CADPS2: variants seen among roughly 807,000 people sequenced by gnomAD.
CADPS2 encodes calcium dependent secretion activator 2.
Under a neutral mutation model 172.5 loss-of-function variants are expected in CADPS2, and 93 were observed. That is an observed-to-expected ratio of 0.54 (90% CI 0.46 to 0.64). The LOEUF (loss-of-function observed/expected upper bound fraction) is 0.64. Ranked by LOEUF, CADPS2 falls within the 30% of genes least tolerant of loss-of-function variation. The pLI is 0.00. For missense variants in CADPS2, 1,420 were observed against 1,565.9 expected, an observed-to-expected ratio of 0.91 and a Z score of 1.57; for synonymous variants, 546 against 555.2, an observed-to-expected ratio of 0.98 and a Z score of 0.23.
At chr7:122,652,774 A>G (rs2079306228) in intron 3 of CADPS2, among the ~76,000 whole-genome samples, 1 of 152,198 alleles carries the variant, frequency 6.6e-6, no homozygotes, top group Non-Finnish European at 1.5e-5. Flanking sequence ...TATTAGCACA[A>G]TAGCTAATCT....
At chr7:122,617,396 GCTAAT>G (rs2133907585) in intron 5 of CADPS2, among the ~76,000 whole-genome samples, 1 of 152,252 alleles carries the variant, frequency 6.6e-6, no homozygotes, top group South Asian at 2.1e-4. Context: ...TGGACCATCA[GCTAAT>G]CTAATTTTAA....
rs976610453 is a variant in CADPS2 at position 122,700,200 on chromosome 7, T to C, written c.454-36631A>G. Among the ~76,000 whole-genome samples the C allele has an allele frequency of 1.9e-4, 29 of 152,184 alleles. 1 individual carries two copies. The highest frequency in any genetic ancestry group is 1.2e-4 in the Non-Finnish European group (8 of 68,028). Reference sequence around the variant, plus strand: ...AAACCGAGGCCAAAGATTCTGACCTTGAACATGAATGTCTCTGGTCTACAT... The same window carrying C: ...AAACCGAGGCCAAAGATTCTGACCTCGAACATGAATGTCTCTGGTCTACAT... On this transcript the variant is annotated intron_variant, in intron 2 of 29. Transcript: ENST00000449022.
At chr7:122,727,805 T>G (rs1260754037) in intron 2 of CADPS2, among the ~76,000 whole-genome samples, 2 of 151,860 alleles carry the variant, frequency 1.3e-5, no homozygotes, top group African/African-American at 4.8e-5. Context: ...TTGTGCAAAT[T>G]CTTACTCAAC....
At chr7:122,685,447 C>T (rs1203648769) in intron 2 of CADPS2, among the ~76,000 whole-genome samples, 1 of 152,222 alleles carries the variant, frequency 6.6e-6, no homozygotes, top group Non-Finnish European at 1.5e-5. Flanking sequence ...GCAGGTTAAA[C>T]GTTCCTGACA....
chr7:122,558,344 TTTAAA>T (rs1408831360), intron 7 of CADPS2, among the ~76,000 whole-genome samples: 1 of 152,196 alleles, frequency 6.6e-6, no homozygotes, highest in Non-Finnish European at 1.5e-5. Flanking sequence ...TAAATTCGCA[TTTAAA>T]TTAAACTATA....
At chr7:122,575,130 A>G (rs1166826835) in intron 7 of CADPS2, among the ~76,000 whole-genome samples, 1 of 151,876 alleles carries the variant, frequency 6.6e-6, no homozygotes, top group Non-Finnish European at 1.5e-5. Flanking sequence ...AATAAAGAAC[A>G]TTTTATAAGA....
chr7:122,689,042 G>A (rs1262502881), intron 2 of CADPS2, among the ~76,000 whole-genome samples: 6 of 152,042 alleles, frequency 3.9e-5, no homozygotes, highest in Non-Finnish European at 8.8e-5. Context: ...AGTGAGGACC[G>A]GTGCACATAG....
chr7:122,505,081 C>A (rs1033111081), intron 9 of CADPS2, among the ~76,000 whole-genome samples: 8 of 152,066 alleles, frequency 5.3e-5, no homozygotes, highest in African/African-American at 1.9e-4. Flanking sequence ...TTCTTAAAAA[C>A]CAAATGTTGA....
intron 2 of CADPS2, chr7:122,701,872 C>A: frequency 6.2e-7 from 1 of 1,612,906 alleles, no homozygotes; most frequent in Non-Finnish European, 8.5e-7. Context: ...TGGGACATGT[C>A]CTATGGGCTA....
chr7:122,822,837 G>A (rs185172209), intron 1 of CADPS2, among the ~76,000 whole-genome samples: 1,806 of 150,194 alleles, frequency 0.012, 35 homozygotes, highest in African/African-American at 0.042. Context: ...CCCTTTGACT[G>A]TAATTTTCCT....
intron 1 of CADPS2, among the ~76,000 whole-genome samples, chr7:122,743,978 C>T (rs2092611142): frequency 6.6e-6 from 1 of 152,162 alleles, no homozygotes; most frequent in Non-Finnish European, 1.5e-5. Flanking sequence ...CTTTCCTGTC[C>T]TCTTCCATAA....
At chr7:122,517,215 C>T (rs755817976) in intron 8 of CADPS2, among the ~76,000 whole-genome samples, 14 of 152,024 alleles carry the variant, frequency 9.2e-5, no homozygotes, top group Non-Finnish European at 2.9e-5. Context: ...TATTGCTGTA[C>T]GTAGTTAATA....
intron 6 of CADPS2, among the ~76,000 whole-genome samples, chr7:122,605,032 T>C (rs944876618): frequency 1.3e-5 from 2 of 152,162 alleles, no homozygotes; most frequent in African/African-American, 4.8e-5. Context: ...TAGCATGTAT[T>C]GTCCTAAATA....
rs552164498 is a variant in CADPS2, at chr7:122,717,069, T to G, written c.453+19886A>C. Among the ~76,000 whole-genome samples the G allele has an allele frequency of 1.6e-4, 25 of 152,264 alleles. No individual in the cohort carries two copies. The East Asian group carries it at 4.6e-3, about 28-fold the overall frequency. ...ATGAGCTAAATGGCAAAACAAAGAC[T>G]CCTTTTGTTGTGTGAATACTTCCTA... On this transcript the variant is annotated intron_variant, in intron 2 of 29. Coordinates refer to ENST00000449022, the MANE Select transcript of CADPS2 (RefSeq NM_017954.11).
intron 25 of CADPS2, among the ~76,000 whole-genome samples, chr7:122,364,970 G>A (rs1048547841): frequency 2.0e-5 from 3 of 152,070 alleles, no homozygotes; most frequent in African/African-American, 7.2e-5. Flanking sequence ...CAGGATATGG[G>A]GTCAGCTTCA....
chr7:122,752,991 T>C (rs2093012479), intron 1 of CADPS2, among the ~76,000 whole-genome samples: 1 of 152,138 alleles, frequency 6.6e-6, no homozygotes, highest in African/African-American at 2.4e-5. Context: ...ATGCTGAGAT[T>C]GGAAATTCTG....
At chr7:122,509,644 A>G (rs1269116666) in intron 9 of CADPS2, among the ~76,000 whole-genome samples, 1 of 152,182 alleles carries the variant, frequency 6.6e-6, no homozygotes, top group Non-Finnish European at 1.5e-5. Context: ...AACTGTAGTT[A>G]TGTGCATCAA....
intron 11 of CADPS2, among the ~76,000 whole-genome samples, chr7:122,484,662 ATTTC>A (rs932174813): frequency 3.9e-5 from 5 of 129,560 alleles, no homozygotes; most frequent in Non-Finnish European, 6.6e-5. Context: ...AAAATTAAGA[ATTTC>A]TTTTTTTTTT....
At chr7:122,841,584 T>C (rs1309835928) in intron 1 of CADPS2, among the ~76,000 whole-genome samples, 1 of 152,204 alleles carries the variant, frequency 6.6e-6, no homozygotes, top group East Asian at 1.9e-4. Flanking sequence ...CTTAGGTTTC[T>C]GTAAAGATAC....
Sources: gnomAD v4.1 joint callset for allele counts (sites outside exome capture counted in the v4.1 genomes callset) on GRCh38, gnomAD v4.1.1 for gene constraint, MANE v1.5 for transcripts, NCBI Gene and HGNC (gene_info 2026-07-23, HGNC 2026-07-21) for gene names.